The following TPD52 variants were observed in gnomAD, a reference collection of about 807,000 sequenced individuals.
The protein encoded by TPD52 is prostate and colon associated protein.
A neutral mutation model predicts 31.3 loss-of-function variants in TPD52; 17 were observed. The ratio of observed to expected loss-of-function variants is 0.54; its 90% CI spans 0.37 to 0.82. The LOEUF (loss-of-function observed/expected upper bound fraction) is 0.82, where lower values mean the gene tolerates loss of function less well. Ranked by LOEUF, TPD52 falls within the 40% of genes least tolerant of loss-of-function variation. The pLI, the probability that TPD52 is intolerant of heterozygous loss-of-function variation, is 0.00. For synonymous variants in TPD52, 83 were observed against 89.6 expected (o/e 0.93, Z 0.42); for missense variants, 212 against 240.1 (o/e 0.88, Z 0.77).
At chr8:80,053,525 A>C in intron 2 of TPD52, 95 bp from the exon 3 acceptor site, 1 of 1,331,206 alleles carries the variant, frequency 7.5e-7, no homozygotes, top group Non-Finnish European at 1.0e-6. Context: ...CCAGTCATTA[A>C]ACATTTTTTT....
At chr8:80,158,927 G>A (rs1484887116) in intron 1 of TPD52, 1 of 117,394 alleles carries the variant, frequency 8.5e-6, no homozygotes, top group African/African-American at 3.7e-5. Context: ...CTGGGCGACA[G>A]AGCGAGACTC....
In TPD52 at chr8:80,037,884, A is replaced by G. The variant is rs1810018318; in HGVS notation, c.*232T>C. The G allele has an allele frequency of 2.4e-6, 1 of 424,720 alleles. No individual in the cohort carries two copies. 26.3% of individuals were successfully genotyped at this position (424,720 alleles called of 1,614,324 possible). On this transcript the variant is annotated 3_prime_UTR_variant, in exon 8 of 8. Coordinates refer to ENST00000518937, the MANE Select transcript of TPD52 (RefSeq NM_001025253.3). ...GTCCCCATTTACTATAAGTGTTTTT[A>G]TAATGGTGTTTCCTAAATAAAGGAA...
At chr8:80,161,426 G>C (rs1439025421) in intron 1 of TPD52, among the ~76,000 whole-genome samples, 3 of 152,116 alleles carry the variant, frequency 2.0e-5, no homozygotes, top group Non-Finnish European at 4.4e-5. Flanking sequence ...TTTGATTGAT[G>C]TATGTGCAAT....
chr8:80,141,899 G>C (rs1247230871), intron 1 of TPD52, among the ~76,000 whole-genome samples: 1 of 151,142 alleles, frequency 6.6e-6, no homozygotes, highest in Non-Finnish European at 1.5e-5. Context: ...GACAGAGCCA[G>C]ACTCTGGCTC....
chr8:80,080,846 A>G lies in TPD52; in HGVS notation c.20-16253T>C. ...ATCAGACACTGGCTGACTTACAACA[A>G]GAAACTACAATTTATTTAAAATAAA... On this transcript the variant is annotated intron_variant, in intron 1 of 7. Transcript: ENST00000518937. The G allele has an allele frequency of 5.8e-6, 4 of 693,362 alleles. No individual in the cohort carries two copies. In the South Asian group the frequency reaches 2.6e-4, roughly 45 times the overall value. 43.0% of individuals were successfully genotyped at this position (693,362 alleles called of 1,614,324 possible).
intron 1 of TPD52, among the ~76,000 whole-genome samples, chr8:80,153,513 T>C (rs1030241822): frequency 6.6e-5 from 10 of 152,232 alleles, no homozygotes; most frequent in African/African-American, 2.4e-4. Context: ...GCAAGACTTT[T>C]TCTCTTTTCT....
At chr8:80,117,934 A>T (rs1047353517) in intron 1 of TPD52, among the ~76,000 whole-genome samples, 1 of 151,724 alleles carries the variant, frequency 6.6e-6, no homozygotes, top group African/African-American at 2.4e-5. Context: ...GGGTTTCACC[A>T]TGTTAGCCAG....
rs1586117705 is a variant in TPD52, at chr8:80,036,875, G to A, written c.*1241C>T. The A allele has an allele frequency of 6.6e-6, 1 of 152,290 alleles. No homozygotes were observed. Among genetic ancestry groups the A allele is most frequent in the East Asian group, 1.9e-4 (1 of 5,200 alleles). 9.4% of individuals were successfully genotyped at this position (152,290 alleles called of 1,614,324 possible). ...TTTAATAAATAACAAATACAACATT[G>A]TAGGCCATAATCATATACAGTATAA... On this transcript the variant is annotated 3_prime_UTR_variant, in exon 8 of 8. Coordinates refer to ENST00000518937, the MANE Select transcript of TPD52 (RefSeq NM_001025253.3).
intron 1 of TPD52, among the ~76,000 whole-genome samples, chr8:80,106,464 CTCCT>C (rs1807118861): frequency 6.6e-6 from 1 of 152,102 alleles, no homozygotes; most frequent in African/African-American, 2.4e-5. Flanking sequence ...TCACGCCATT[CTCCT>C]GCCTCAGCCT....
chr8:80,162,870 A>G (rs1482084172), intron 1 of TPD52, among the ~76,000 whole-genome samples: 1 of 152,022 alleles, frequency 6.6e-6, no homozygotes, highest in Non-Finnish European at 1.5e-5. Context: ...AGGTTATGGT[A>G]ATCTATGATT....
At position 80,071,613 on chromosome 8, in the gene TPD52, C is replaced by T. The variant is rs138506851; in HGVS notation, c.20-7020G>A. Among the ~76,000 whole-genome samples the T allele has an allele frequency of 1.3e-4, 20 of 152,266 alleles. No individual in the cohort carries two copies. In the East Asian group the frequency reaches 3.5e-3, roughly 26 times the overall value. Reference sequence around the variant, plus strand: ...GAAATCTCCATTCCTCTCCTCCCTCCTGGTTTTTCTCTTCCTACCTCTCTG... The same window carrying T: ...GAAATCTCCATTCCTCTCCTCCCTCTTGGTTTTTCTCTTCCTACCTCTCTG... On this transcript the variant is annotated intron_variant, in intron 1 of 7. Coordinates refer to ENST00000518937, the MANE Select transcript of TPD52 (RefSeq NM_001025253.3).
chr8:80,091,464 CAAA>C (rs58616020), intron 1 of TPD52, among the ~76,000 whole-genome samples: 9 of 121,854 alleles, frequency 7.4e-5, no homozygotes, highest in Admixed American at 8.3e-5. Flanking sequence ...GACTCCATCT[CAAA>C]AAAAAAAAAA....
Position 80,056,000 on chromosome 8 carries a change from A to T in TPD52, c.136-2570T>A, listed in dbSNP as rs182030845. ...TGGAGGTTTCTCAGAAAAACTTAAA[A>T]TAGAAATACCACATAATCCAGCAAT... On this transcript the variant is annotated intron_variant, in intron 2 of 7. Coordinates refer to ENST00000518937, the MANE Select transcript of TPD52 (RefSeq NM_001025253.3). Among the ~76,000 whole-genome samples the T allele has an allele frequency of 6.6e-5, 10 of 152,336 alleles. No homozygotes were observed. The East Asian group carries it at 1.9e-3, about 29-fold the overall frequency.
chr8:80,106,629 T>G (rs758156794), intron 1 of TPD52, among the ~76,000 whole-genome samples: 4 of 151,722 alleles, frequency 2.6e-5, no homozygotes, highest in African/African-American at 9.7e-5. Flanking sequence ...GTGCTGGGAT[T>G]ACAGACATGA....
chr8:80,110,911 C>T (rs1301383877), intron 1 of TPD52, among the ~76,000 whole-genome samples: 1 of 152,190 alleles, frequency 6.6e-6, no homozygotes, highest in Non-Finnish European at 1.5e-5. Flanking sequence ...CTGCTGAATG[C>T]TCAAGCTGTT....
chr8:80,158,628 GC>G (rs1811127172), intron 1 of TPD52: 1 of 152,138 alleles, frequency 6.6e-6, no homozygotes, highest in Non-Finnish European at 1.5e-5. Context: ...GGGCAACAGA[GC>G]GAAACCCTGT....
intron 1 of TPD52, among the ~76,000 whole-genome samples, chr8:80,098,261 T>C (rs554596453): frequency 3.5e-4 from 54 of 152,344 alleles, no homozygotes; most frequent in African/African-American, 1.3e-3. Flanking sequence ...ATTCCTATTT[T>C]CAAGTCTTAT....
At chr8:80,126,090 CT>C (rs1187873038) in intron 1 of TPD52, among the ~76,000 whole-genome samples, 1 of 152,178 alleles carries the variant, frequency 6.6e-6, no homozygotes, top group Admixed American at 6.5e-5. Context: ...TTTATGGAGT[CT>C]GTAAAATTCA....
intron 6 of TPD52, chr8:80,042,930 G>A (rs542942954): frequency 5.7e-5 from 17 of 299,678 alleles, no homozygotes; most frequent in African/African-American, 1.3e-4. Context: ...GGTCAAGTAC[G>A]TGTGTAAGGA....
Sources: allele counts gnomAD v4.1 joint callset (sites outside exome capture counted in the v4.1 genomes callset), GRCh38; gene constraint gnomAD v4.1.1; transcripts MANE v1.5; gene names NCBI Gene and HGNC (gene_info 2026-07-23, HGNC 2026-07-21).